The following MAF variants were observed in gnomAD, a reference collection of about 807,000 sequenced individuals.
MAF encodes MAF bZIP transcription factor, also known as transcription factor Maf.
A neutral mutation model predicts 22.0 loss-of-function variants in MAF; 10 were observed. The observed-to-expected ratio is 0.45, with a 90% CI of 0.28 to 0.77. The LOEUF is 0.77. Ranked by LOEUF, MAF falls within the 30% of genes least tolerant of loss-of-function variation. The pLI is 0.12. For synonymous variants in MAF, 337 were observed against 255.8 expected, an observed-to-expected ratio of 1.32 and a Z score of -3.03; for missense variants, 544 against 548.4, an observed-to-expected ratio of 0.99 and a Z score of 0.08.
At chr16:79,349,672 T>G in the MAF span, among the ~76,000 whole-genome samples, 2 of 152,152 alleles carry the variant, frequency 1.3e-5, no homozygotes, top group African/African-American at 2.4e-5. Flanking sequence ...ATGCTGGGAC[T>G]AGGGGGGCAT....
the MAF span, among the ~76,000 whole-genome samples, chr16:79,236,640 G>C: frequency 6.6e-6 from 1 of 152,014 alleles, no homozygotes; most frequent in African/African-American, 2.4e-5. Flanking sequence ...CTCTTGTTGA[G>C]GCCAGGCTAC....
the MAF span, among the ~76,000 whole-genome samples, chr16:79,497,407 G>A: frequency 2.6e-5 from 4 of 152,138 alleles, no homozygotes. Context: ...CTCTGCCCCT[G>A]TTAGCTGTGA....
the MAF span, among the ~76,000 whole-genome samples, chr16:79,411,322 A>G: frequency 2.0e-5 from 3 of 152,182 alleles, no homozygotes; most frequent in Non-Finnish European, 4.4e-5. Flanking sequence ...TCACATCCCT[A>G]TTGACTTGGA....
chr16:79,302,074 G>T, the MAF span, among the ~76,000 whole-genome samples: 1 of 152,328 alleles, frequency 6.6e-6, no homozygotes, highest in African/African-American at 2.4e-5. Context: ...ACTCTCACCT[G>T]CATCCCTCCA....
At chr16:79,513,260 GA>G in the MAF span, among the ~76,000 whole-genome samples, 2 of 152,238 alleles carry the variant, frequency 1.3e-5, no homozygotes, top group African/African-American at 4.8e-5. Context: ...GCAGTAGACG[GA>G]ACAGGTTTTA....
the MAF span, among the ~76,000 whole-genome samples, chr16:79,551,980 T>C: frequency 6.6e-6 from 1 of 152,150 alleles, no homozygotes; most frequent in Non-Finnish European, 1.5e-5. Flanking sequence ...GCTGTGATTT[T>C]TTTTTAATAT....
the MAF span, among the ~76,000 whole-genome samples, chr16:79,268,525 C>G: frequency 3.3e-5 from 5 of 152,174 alleles, no homozygotes; most frequent in Admixed American, 1.3e-4. Context: ...TTGTGACCAC[C>G]TTTCCCCACA....
At chr16:79,397,996 T>A in the MAF span, among the ~76,000 whole-genome samples, 1 of 152,222 alleles carries the variant, frequency 6.6e-6, no homozygotes, top group Non-Finnish European at 1.5e-5. Flanking sequence ...ATCTCACAGT[T>A]CTGGAGATCA....
the MAF span, among the ~76,000 whole-genome samples, chr16:79,465,153 G>A: frequency 1.3e-5 from 2 of 152,152 alleles, no homozygotes; most frequent in Non-Finnish European, 2.9e-5. Context: ...TGGTTCCAGG[G>A]CTCCCCTCAA....
At chr16:79,312,297 G>A in the MAF span, among the ~76,000 whole-genome samples, 1 of 152,164 alleles carries the variant, frequency 6.6e-6, no homozygotes, top group African/African-American at 2.4e-5. Flanking sequence ...AGGCACACAT[G>A]TGCAAAACAG....
the MAF span, among the ~76,000 whole-genome samples, chr16:79,555,025 T>C: frequency 6.6e-6 from 1 of 152,138 alleles, no homozygotes; most frequent in Non-Finnish European, 1.5e-5. Context: ...GAACTTTTGA[T>C]TAAGAGGAGA....
chr16:79,432,151 G>A, the MAF span, among the ~76,000 whole-genome samples: 1 of 152,174 alleles, frequency 6.6e-6, no homozygotes, highest in African/African-American at 2.4e-5. Flanking sequence ...TCCACTGATA[G>A]TGAGTGAGTT....
downstream of MAF, among the ~76,000 whole-genome samples, chr16:79,584,802 T>C (rs185740862): frequency 1.3e-5 from 2 of 152,200 alleles, no homozygotes; most frequent in African/African-American, 2.4e-5. Flanking sequence ...GACTAGAAAA[T>C]AAACAACAAA....
the MAF span, chr16:79,212,921 G>A: frequency 3.9e-4 from 55 of 140,802 alleles, no homozygotes; most frequent in African/African-American, 1.4e-3. Flanking sequence ...AAAGAAAAAA[G>A]AAAAATGACT....
At chr16:79,238,320 G>C in the MAF span, among the ~76,000 whole-genome samples, 1 of 152,062 alleles carries the variant, frequency 6.6e-6, no homozygotes, top group African/African-American at 2.4e-5. Flanking sequence ...TTCTTTCCTG[G>C]CTCTTGGAAG....
At chr16:79,350,524 T>G in the MAF span, among the ~76,000 whole-genome samples, 38 of 152,328 alleles carry the variant, frequency 2.5e-4, no homozygotes, top group Non-Finnish European at 3.8e-4. Flanking sequence ...CCTTTGCAGT[T>G]AAACGTGATC....
the MAF span, among the ~76,000 whole-genome samples, chr16:79,518,799 C>T: frequency 6.6e-6 from 1 of 152,160 alleles, no homozygotes; most frequent in African/African-American, 2.4e-5. Flanking sequence ...GTGGCGCATG[C>T]CCATAATCCC....
chr16:79,466,763 A>G, the MAF span, among the ~76,000 whole-genome samples: 1 of 152,350 alleles, frequency 6.6e-6, no homozygotes, highest in African/African-American at 2.4e-5. Flanking sequence ...CTTTTATGCC[A>G]TGGGGAATAA....
the MAF span, among the ~76,000 whole-genome samples, chr16:79,362,480 CAG>C: frequency 2.3e-4 from 35 of 152,274 alleles, no homozygotes; most frequent in African/African-American, 8.4e-4. Context: ...ACTCAGCCCT[CAG>C]TGCATGAAAA....
Sources: allele counts gnomAD v4.1 joint callset (sites outside exome capture counted in the v4.1 genomes callset), GRCh38; gene constraint gnomAD v4.1.1; transcripts MANE v1.5; gene names NCBI Gene and HGNC (gene_info 2026-07-23, HGNC 2026-07-21).